Variants in ZBP1 observed in about 807,000 individuals in gnomAD.
ZBP1 encodes the protein Z-DNA binding protein 1, also known as Z-DNA-binding protein 1.
Under a neutral mutation model 41.1 loss-of-function variants are expected in ZBP1, and 42 were observed. The ratio of observed to expected loss-of-function variants is 1.02; its 90% CI spans 0.80 to 1.32. The LOEUF (loss-of-function observed/expected upper bound fraction) is 1.32, where lower values mean the gene tolerates loss of function less well. Ranked by LOEUF, ZBP1 falls within the 40% of genes most tolerant of loss-of-function variation. The probability of loss-of-function intolerance (pLI) is 0.00; values close to 1 mark genes in which losing one functional copy is unlikely to be tolerated. For missense variants in ZBP1, 562 were observed against 549.7 expected (o/e 1.02, Z -0.22); for synonymous variants, 214 against 205.2 (o/e 1.04, Z -0.37).
At chr20:57,609,820 AG>A (rs11475867) in intron 7 of ZBP1, among the ~76,000 whole-genome samples, 3,018 of 152,278 alleles carry the variant, frequency 0.02, 36 homozygotes, top group African/African-American at 0.03. Flanking sequence ...GAATGCTGGC[AG>A]GGCTGGTGTA....
chr20:57,610,264 C>T lies in ZBP1; in HGVS notation c.978G>A (p.Ser326=), dbSNP rs143130163. 2.9e-4 allele frequency: 470 copies of T among 1,614,022 alleles called. 1 individual carries two copies. The highest frequency in any genetic ancestry group is 3.6e-4 in the Non-Finnish European group (424 of 1,180,026). The part of the protein sequence containing the change: ...GEAAQRIHMK[S]CFLEDATIGN... ...CGATGGTGGCGTCCTCGAGAAAGCA[C>T]GATTTCATGTGGATTCTCTGGGCGG... Residue 326 remains serine (S), a synonymous_variant, in exon 7 of 8, where the codon TCG becomes TCA. Transcript: ENST00000371173. This position sits in a 1 kb window ranked among gnomAD's most constrained non-coding sequence, Gnocchi z 5.5.
intron 7 of ZBP1, among the ~76,000 whole-genome samples, chr20:57,608,955 G>A (rs1443920176): frequency 1.3e-5 from 2 of 152,178 alleles, no homozygotes; most frequent in African/African-American, 2.4e-5. Flanking sequence ...GGGTAGGAGC[G>A]GAAATCCGCC....
At chr20:57,615,792 T>A in intron 2 of ZBP1, 1 of 549,168 alleles carries the variant, frequency 1.8e-6, no homozygotes, top group Non-Finnish European at 3.2e-6. Flanking sequence ...TCAGCCTCCT[T>A]TGCCTCCTGG....
chr20:57,609,988 C>G (rs189679144), intron 7 of ZBP1, among the ~76,000 whole-genome samples, 161 bp downstream of exon 7: 1 of 152,300 alleles, frequency 6.6e-6, no homozygotes, highest in East Asian at 1.9e-4. Flanking sequence ...GGAGCCTCCA[C>G]GCTGACTCTA....
intron 7 of ZBP1, among the ~76,000 whole-genome samples, chr20:57,609,742 C>T (rs1285136754): frequency 6.6e-6 from 1 of 152,100 alleles, no homozygotes; most frequent in Non-Finnish European, 1.5e-5. Context: ...TGCATGGCAA[C>T]CCAGCACCTC....
intron 4 of ZBP1, among the ~76,000 whole-genome samples, chr20:57,614,484 G>A (rs891614306): frequency 5.3e-5 from 8 of 152,054 alleles, no homozygotes; most frequent in Non-Finnish European, 1.2e-4. Flanking sequence ...CTGACCCTGC[G>A]CTGACCCTGG....
intron 7 of ZBP1, 149 bp from the exon 8 acceptor site, chr20:57,604,918 A>G: frequency 1.3e-6 from 1 of 753,886 alleles, no homozygotes; most frequent in Non-Finnish European, 2.1e-6. Context: ...AGGGAGCCCC[A>G]CCTTTTCACT....
At chr20:57,616,152 G>A (rs926706486) in intron 2 of ZBP1, 92 bp downstream of exon 2, 22 of 1,215,848 alleles carry the variant, frequency 1.8e-5, no homozygotes, top group South Asian at 2.6e-5. Flanking sequence ...ATGTGGCAGA[G>A]TTCAGATTCG....
In ZBP1 at chr20:57,604,371, T is replaced by C. The variant is rs771576698; in HGVS notation, c.*202A>G. 5.7e-5 allele frequency: 41 copies of C among 715,048 alleles called. No homozygotes were observed. The highest frequency in any genetic ancestry group is 9.0e-5 in the Non-Finnish European group (36 of 401,312). The allele number at this position is 715,048 out of a possible 1,614,324, so 44.3% of individuals were successfully genotyped here. On this transcript the variant is annotated 3_prime_UTR_variant, in exon 8 of 8. Coordinates refer to ENST00000371173, the MANE Select transcript of ZBP1 (RefSeq NM_030776.3). ...CCAAAGGTTCCCCAAGGCAACTCCC[T>C]GTCATCTACTCCTGGCCATCAAAAG...
At chr20:57,615,843 C>A in intron 2 of ZBP1, 1 of 541,404 alleles carries the variant, frequency 1.8e-6, no homozygotes, top group African/African-American at 1.9e-5. Flanking sequence ...CAGTGCCTGG[C>A]TAATCTTAAG....
intron 6 of ZBP1, 92 bp downstream of exon 6, chr20:57,611,635 G>T: frequency 7.4e-7 from 1 of 1,346,646 alleles, no homozygotes. Flanking sequence ...TTCCCATCAT[G>T]CTTCTCTTCC....
At chr20:57,608,515 G>A (rs1414073118) in intron 7 of ZBP1, among the ~76,000 whole-genome samples, 2 of 152,268 alleles carry the variant, frequency 1.3e-5, no homozygotes, top group Non-Finnish European at 2.9e-5. Context: ...TCTGCAGACA[G>A]CCTGTGCTGT....
chr20:57,616,194 C>T (rs773336362), intron 2 of ZBP1, 50 bp downstream of exon 2: 10 of 1,562,166 alleles, frequency 6.4e-6, no homozygotes, highest in African/African-American at 5.4e-5. Flanking sequence ...TTGTCCATTG[C>T]CAGGATGCTC....
At chr20:57,619,031 A>G (rs2070925043) in intron 1 of ZBP1, among the ~76,000 whole-genome samples, 1 of 152,212 alleles carries the variant, frequency 6.6e-6, no homozygotes, top group Non-Finnish European at 1.5e-5. Flanking sequence ...GTGTCTGAAA[A>G]TGGGAAATTG....
Position 57,613,726 on chromosome 20 carries a change from C to T in ZBP1, c.503-396G>A, listed in dbSNP as rs146478309. 6.6e-6 allele frequency among the ~76,000 whole-genome samples: 1 copy of T among 152,208 alleles called. No homozygotes were observed. Among genetic ancestry groups the T allele is most frequent in the Non-Finnish European group, 1.5e-5 (1 of 68,044 alleles). On this transcript the variant is annotated intron_variant, in intron 4 of 7. Coordinates refer to ENST00000371173, the MANE Select transcript of ZBP1 (RefSeq NM_030776.3). This position sits in a 1 kb window ranked among gnomAD's most constrained non-coding sequence, Gnocchi z 4.5. Reference sequence around the variant, plus strand: ...GAAACAGCAGCCCATTGGGCCAGATCGGTCGTGTTTGGCTCCCATGACATT... The same window carrying T: ...GAAACAGCAGCCCATTGGGCCAGATTGGTCGTGTTTGGCTCCCATGACATT...
At position 57,616,301 on chromosome 20, in the gene ZBP1, A is replaced by G. The variant is rs1306729240; in HGVS notation, c.202T>C (p.Leu68=). 6.2e-7 allele frequency: 1 copy of G among 1,614,166 alleles called. No homozygotes were observed. Among genetic ancestry groups the G allele is most frequent in the East Asian group, 2.2e-5 (1 of 44,880 alleles). The change falls in exon 2 of 8, where the codon TTG becomes CTG. Residue 68 remains leucine, a synonymous_variant. Transcript: ENST00000371173. ...TCGCCTTCAGGATCAGTCCCGCCCAAGCACCAGGTGGCAGGGGATGTGAGG... is the reference window on the plus strand; with the variant it reads ...TCGCCTTCAGGATCAGTCCCGCCCAGGCACCAGGTGGCAGGGGATGTGAGG... ...VSLTSPATWC[L]GGTDPEGEGP... is the part of the protein sequence containing the mutation.
rs542404910 is a variant in ZBP1, at chr20:57,613,534, C to G, written c.503-204G>C. On this transcript the variant is annotated intron_variant, in intron 4 of 7. Transcript: ENST00000371173. The surrounding 1 kb of genome is among the most constrained non-coding windows in gnomAD (Gnocchi z 4.5). ...AGAGGGAGCCTCACTTGAAAATAGCCACTGTGAGTCACCCTACCTGTGTCT... is the reference window on the plus strand; with the variant it reads ...AGAGGGAGCCTCACTTGAAAATAGCGACTGTGAGTCACCCTACCTGTGTCT... Among the ~76,000 whole-genome samples, 12 of 152,290 alleles carry G rather than the reference C, an allele frequency of 7.9e-5. No homozygotes were observed. Among genetic ancestry groups the G allele is most frequent in the Admixed American group, 7.8e-4 (12 of 15,306 alleles).
At chr20:57,604,814 T>TG (rs1379090197) in intron 7 of ZBP1, 45 bp from the exon 8 acceptor site, 3 of 1,574,884 alleles carry the variant, frequency 1.9e-6, no homozygotes, top group Non-Finnish European at 2.6e-6. Flanking sequence ...GCACGTGGCC[T>TG]GGGCATTTCC....
chr20:57,612,086 T>C (rs1158522137), intron 5 of ZBP1, among the ~76,000 whole-genome samples, 156 bp from the exon 6 acceptor site: 2 of 152,160 alleles, frequency 1.3e-5, no homozygotes, highest in African/African-American at 2.4e-5. Flanking sequence ...CAAGAGGACC[T>C]GGCGGAATAG....
Sources: gnomAD v4.1 joint callset for allele counts (sites outside exome capture counted in the v4.1 genomes callset) on GRCh38, gnomAD v4.1.1 for gene constraint, Gnocchi (gnomAD v3.1) non-coding constraint, MANE v1.5 for transcripts, NCBI Gene and HGNC (gene_info 2026-07-23, HGNC 2026-07-21) for gene names.